Variants in ATP2B1 observed in about 807,000 individuals in gnomAD.
ATP2B1 encodes the protein ATPase plasma membrane Ca2+ transporting 1, also known as plasma membrane calcium-transporting ATPase 1.
A neutral mutation model predicts 124.2 loss-of-function variants in ATP2B1; 14 were observed. The observed-to-expected ratio is 0.11, with a 90% confidence interval of 0.07 to 0.18. The LOEUF is 0.18. Ranked by LOEUF, ATP2B1 falls within the 10% of genes least tolerant of loss-of-function variation. ATP2B1 has a pLI of 1.00. For synonymous variants in ATP2B1, 449 were observed against 492.4 expected, an observed-to-expected ratio of 0.91 and a Z score of 1.17; for missense variants, 763 against 1,466.1, an observed-to-expected ratio of 0.52 and a Z score of 7.83.
intron 1 of ATP2B1, among the ~76,000 whole-genome samples, chr12:89,657,129 A>C (rs760729598): frequency 1.3e-5 from 2 of 152,208 alleles, no homozygotes; most frequent in Non-Finnish European, 2.9e-5. Flanking sequence ...TAGCTCTGCC[A>C]CCACCATTAT....
intron 1 of ATP2B1, among the ~76,000 whole-genome samples, chr12:89,681,957 G>GA (rs976843857): frequency 6.6e-6 from 1 of 152,022 alleles, no homozygotes; most frequent in Admixed American, 6.6e-5. Flanking sequence ...AATTAGGAAG[G>GA]AAAAATGATC....
intron 11 of ATP2B1, among the ~76,000 whole-genome samples, chr12:89,617,863 T>C (rs1371904595): frequency 6.6e-6 from 1 of 152,214 alleles, no homozygotes; most frequent in Non-Finnish European, 1.5e-5. Flanking sequence ...AACATTACCC[T>C]AATCATTTTG....
intron 1 of ATP2B1, among the ~76,000 whole-genome samples, chr12:89,685,177 G>T (rs1251995258): frequency 6.9e-6 from 1 of 143,904 alleles, no homozygotes; most frequent in African/African-American, 2.6e-5. Flanking sequence ...ATCTAAATGA[G>T]GTGATAAGTA....
In ATP2B1 at chr12:89,610,520, T is replaced by C. The variant is rs745983484; in HGVS notation, c.2248-12A>G. On this transcript the variant is annotated splice_polypyrimidine_tract_variant and intron_variant, in intron 13 of 20. Transcript: ENST00000428670. ...CTCTCTTGCTCAATCTATAAGTGTT[T>C]ATCAAAGTTAAAATATGCCCAAACA... The C allele has an allele frequency of 5.6e-6, 9 of 1,606,718 alleles. No homozygotes were observed. Among genetic ancestry groups the C allele is most frequent in the Non-Finnish European group, 7.7e-6 (9 of 1,174,148 alleles).
intron 1 of ATP2B1, among the ~76,000 whole-genome samples, chr12:89,659,710 C>G (rs1359228496): frequency 6.6e-6 from 1 of 151,938 alleles, no homozygotes; most frequent in African/African-American, 2.4e-5. Context: ...ATCACGAGGT[C>G]AGGAGATCAA....
chr12:89,678,772 A>C (rs1371010636), intron 1 of ATP2B1, among the ~76,000 whole-genome samples: 1 of 152,124 alleles, frequency 6.6e-6, no homozygotes, highest in African/African-American at 2.4e-5. Context: ...TTAAAATTTA[A>C]ACAACTCTGG....
chr12:89,628,425 A>G (rs1199283920), intron 6 of ATP2B1, among the ~76,000 whole-genome samples: 1 of 112,340 alleles, frequency 8.9e-6, no homozygotes, highest in African/African-American at 3.6e-5. Flanking sequence ...AAAAAAAAAA[A>G]AAAAAAAAAG....
At position 89,621,686 on chromosome 12, in the gene ATP2B1, T is replaced by G; in HGVS notation, c.1450A>C (p.Arg484=). ...ATGTAAGCTTGAACGACTGTCATTC[T>G]GTTCATTGTCAAAGTTCCTGTTTTA... The part of the protein sequence containing the change: ...SDKTGTLTMN[R]MTVVQAYINE... Residue 484 remains arginine (R), a synonymous_variant, in exon 10 of 21, where the codon AGA becomes CGA. Transcript: ENST00000428670. 6.2e-7 allele frequency: 1 copy of G among 1,612,366 alleles called. No homozygotes were observed. Among genetic ancestry groups the G allele is most frequent in the East Asian group, 2.2e-5 (1 of 44,736 alleles).
At chr12:89,670,165 T>C (rs901731081) in intron 1 of ATP2B1, among the ~76,000 whole-genome samples, 11 of 152,254 alleles carry the variant, frequency 7.2e-5, no homozygotes, top group African/African-American at 1.9e-4. Context: ...TACCCAAAGA[T>C]AGATATAATC....
chr12:89,601,051 A>G (rs1432227701), intron 19 of ATP2B1, among the ~76,000 whole-genome samples: 1 of 152,218 alleles, frequency 6.6e-6, no homozygotes, highest in Non-Finnish European at 1.5e-5. Context: ...TTATAAATAC[A>G]TCATTTTTAA....
rs1457923519 is a variant in ATP2B1, at chr12:89,604,172, C to T, written c.2617G>A (p.Gly873Ser). 1 of 1,613,476 alleles carries T rather than the reference C, an allele frequency of 6.2e-7. No homozygotes were observed. Among genetic ancestry groups the T allele is most frequent in the African/African-American group, 1.3e-5 (1 of 74,836 alleles). The change falls in exon 16 of 21, where the codon GGC becomes AGC. Residue 873 changes from glycine to serine, a missense_variant. By Grantham distance (56) the Gly-to-Ser change is moderately conservative. This residue lies in a region of ATP2B1 where 51 missense variants were observed against 192.8 expected (regional missense o/e 0.26). Coordinates refer to ENST00000428670, the MANE Select transcript of ATP2B1 (RefSeq NM_001366521.1). Reference protein sequence around the residue: ...NVVAVIVAFTGACITQDSPLK... With the variant: ...NVVAVIVAFTSACITQDSPLK... ...TCACCTACTTGAGTAATGCAGGCGC[C>T]CGTAAAAGCAACAATCACTGCTACT...
At chr12:89,641,932 G>T in intron 3 of ATP2B1, 1 of 520,232 alleles carries the variant, frequency 1.9e-6, no homozygotes, top group Non-Finnish European at 3.4e-6. Context: ...AGCATATATG[G>T]ATAGGTTATT....
At chr12:89,663,140 T>A (rs1886895869) in intron 1 of ATP2B1, among the ~76,000 whole-genome samples, 2 of 152,182 alleles carry the variant, frequency 1.3e-5, no homozygotes, top group South Asian at 2.1e-4. Context: ...AACCACAATT[T>A]AAATAGCAGA....
intron 3 of ATP2B1, among the ~76,000 whole-genome samples, chr12:89,636,729 T>C (rs1046096646): frequency 3.3e-5 from 5 of 152,088 alleles, no homozygotes; most frequent in African/African-American, 1.2e-4. Context: ...AATGGAAGAC[T>C]TGACGTGAAC....
chr12:89,641,211 T>A (rs1404012256), intron 3 of ATP2B1, among the ~76,000 whole-genome samples: 1 of 152,108 alleles, frequency 6.6e-6, no homozygotes, highest in South Asian at 2.1e-4. Flanking sequence ...TTTAAACAAA[T>A]TTTTTAAAAG....
intron 1 of ATP2B1, among the ~76,000 whole-genome samples, chr12:89,681,061 A>G (rs1848703114): frequency 6.6e-6 from 1 of 152,188 alleles, no homozygotes; most frequent in Non-Finnish European, 1.5e-5. Context: ...TCCAACTAAG[A>G]GCTAATCTGG....
intron 1 of ATP2B1, among the ~76,000 whole-genome samples, chr12:89,663,730 T>C (rs1886974169): frequency 6.6e-6 from 1 of 152,220 alleles, no homozygotes; most frequent in Admixed American, 6.5e-5. Context: ...TGTTCTTAAA[T>C]CTAATGGACA....
At chr12:89,675,280 T>C (rs1488916039) in intron 1 of ATP2B1, among the ~76,000 whole-genome samples, 1 of 152,222 alleles carries the variant, frequency 6.6e-6, no homozygotes, top group Non-Finnish European at 1.5e-5. Flanking sequence ...CCATTTGTTC[T>C]AGCAATAAGC....
At chr12:89,643,519 G>A (rs1425472501) in intron 2 of ATP2B1, among the ~76,000 whole-genome samples, 2 of 152,114 alleles carry the variant, frequency 1.3e-5, no homozygotes, top group South Asian at 2.1e-4. Flanking sequence ...GTCACTTAAG[G>A]TAAAAGGTAT....
Sources: gnomAD v4.1 joint callset for allele counts (sites outside exome capture counted in the v4.1 genomes callset) on GRCh38, gnomAD v4.1.1 for gene constraint, gnomAD v4.1.1 regional missense constraint, MANE v1.5 for transcripts, NCBI Gene and HGNC (gene_info 2026-07-23, HGNC 2026-07-21) for gene names.